The following CHSY3 variants were observed in gnomAD, a reference collection of about 807,000 sequenced individuals.
CHSY3 encodes chondroitin sulfate synthase 3.
A neutral mutation model predicts 67.2 loss-of-function variants in CHSY3; 35 were observed. That is an observed-to-expected ratio of 0.52 (90% CI 0.40 to 0.69). CHSY3 has a LOEUF of 0.69. CHSY3 is among the 30% of genes least tolerant of loss of function. The pLI is 0.00. For synonymous variants in CHSY3, 474 were observed against 434.7 expected (o/e 1.09, Z -1.12); for missense variants, 1,069 against 1,138.5 (o/e 0.94, Z 0.88).
At chr5:130,080,332 A>T (rs1766407795) in intron 2 of CHSY3, among the ~76,000 whole-genome samples, 1 of 152,058 alleles carries the variant, frequency 6.6e-6, no homozygotes, top group Non-Finnish European at 1.5e-5. Flanking sequence ...ACTGATACCT[A>T]GCACAGTAGG....
chr5:130,011,083 C>T (rs1764044979), intron 2 of CHSY3, among the ~76,000 whole-genome samples: 1 of 152,256 alleles, frequency 6.6e-6, no homozygotes, highest in Non-Finnish European at 1.5e-5. Context: ...TGAAACTATT[C>T]CATTGACTTG....
At chr5:130,143,787 T>A (rs1239061582) in intron 2 of CHSY3, among the ~76,000 whole-genome samples, 1 of 28,434 alleles carries the variant, frequency 3.5e-5, no homozygotes, top group East Asian at 1.1e-3. Flanking sequence ...TATATGTGTA[T>A]ATATATATAT....
In CHSY3 at chr5:129,964,095, T is replaced by C. The variant is rs150481401; in HGVS notation, c.1086+55735T>C. ...CCATCTGATGGGCATCAAGGAAGTC[T>C]GTGCTGGATGAGAGTGGAATAATGG... On this transcript the variant is annotated intron_variant, in intron 2 of 2. Coordinates refer to ENST00000305031, the MANE Select transcript of CHSY3 (RefSeq NM_175856.5). Among the ~76,000 whole-genome samples, 543 of 152,030 alleles carry C rather than the reference T, an allele frequency of 3.6e-3. 3 individuals carry two copies. Among genetic ancestry groups the C allele is most frequent in the East Asian group, 0.021 (109 of 5,128 alleles).
intron 2 of CHSY3, among the ~76,000 whole-genome samples, chr5:130,053,879 T>G (rs1765444556): frequency 6.6e-6 from 1 of 152,136 alleles, no homozygotes; most frequent in South Asian, 2.1e-4. Flanking sequence ...GAAATATAAA[T>G]GCCTCATAAA....
At chr5:129,914,744 A>G (rs1297145243) in intron 2 of CHSY3, among the ~76,000 whole-genome samples, 1 of 152,240 alleles carries the variant, frequency 6.6e-6, no homozygotes, top group African/African-American at 2.4e-5. Context: ...ATGATATGGT[A>G]AGCGTTGTAG....
At chr5:130,133,771 T>TAAAAAAAAAAAAA (rs758023976) in intron 2 of CHSY3, among the ~76,000 whole-genome samples, 12 of 58,112 alleles carry the variant, frequency 2.1e-4, no homozygotes, top group Non-Finnish European at 2.8e-4. Flanking sequence ...GACTCCGTCT[T>TAAAAAAAAAAAAA]AAAAAAAAAA....
intron 2 of CHSY3, among the ~76,000 whole-genome samples, chr5:130,169,745 AT>A (rs1561568166): frequency 6.6e-6 from 1 of 151,916 alleles, no homozygotes; most frequent in Non-Finnish European, 1.5e-5. Context: ...GCTTTAGCAC[AT>A]TAGTTAAATA....
At chr5:130,057,699 G>A (rs10075223) in intron 2 of CHSY3, among the ~76,000 whole-genome samples, 9,807 of 152,056 alleles carry the variant, frequency 0.064, 1,079 homozygotes, top group African/African-American at 0.22. Context: ...ATAATTTTTG[G>A]CTTGCTTTCT....
At chr5:130,061,912 G>T (rs1042263103) in intron 2 of CHSY3, among the ~76,000 whole-genome samples, 2 of 151,956 alleles carry the variant, frequency 1.3e-5, no homozygotes, top group African/African-American at 2.4e-5. Context: ...ACAGATATTG[G>T]CATGGATGCA....
At chr5:130,005,169 C>T (rs1457050622) in intron 2 of CHSY3, among the ~76,000 whole-genome samples, 1 of 152,068 alleles carries the variant, frequency 6.6e-6, no homozygotes, top group Non-Finnish European at 1.5e-5. Context: ...AAAATTCCAG[C>T]ACTTTGGGAG....
intron 2 of CHSY3, among the ~76,000 whole-genome samples, chr5:130,169,649 A>G (rs542315251): frequency 6.6e-6 from 1 of 151,402 alleles, no homozygotes; most frequent in Non-Finnish European, 1.5e-5. Flanking sequence ...TAAGCTTTTC[A>G]CAAGGCTAAA....
intron 2 of CHSY3, among the ~76,000 whole-genome samples, chr5:129,910,135 T>C (rs201570032): frequency 1.4e-4 from 21 of 152,068 alleles, no homozygotes; most frequent in East Asian, 9.7e-4. Flanking sequence ...AGAGAAGTTA[T>C]ATTATAGATG....
chr5:130,039,004 G>A (rs115634780), intron 2 of CHSY3, among the ~76,000 whole-genome samples: 3,290 of 152,054 alleles, frequency 0.022, 114 homozygotes, highest in African/African-American at 0.073. Flanking sequence ...TTTCTATATC[G>A]TAACAGTTCC....
intron 2 of CHSY3, among the ~76,000 whole-genome samples, chr5:129,945,533 A>C (rs1761827373): frequency 2.6e-5 from 4 of 152,082 alleles, no homozygotes; most frequent in Non-Finnish European, 4.4e-5. Context: ...CAAGTCCCTG[A>C]GGGTATGTGT....
intron 2 of CHSY3, among the ~76,000 whole-genome samples, chr5:129,949,462 C>G (rs1761960073): frequency 6.6e-6 from 1 of 151,982 alleles, no homozygotes; most frequent in Non-Finnish European, 1.5e-5. Flanking sequence ...ATAAAAAAGT[C>G]TCCTAACCAA....
At chr5:129,944,119 C>T (rs964638728) in intron 2 of CHSY3, among the ~76,000 whole-genome samples, 27 of 152,208 alleles carry the variant, frequency 1.8e-4, no homozygotes, top group African/African-American at 6.0e-4. Context: ...CCTCCTGTGG[C>T]GCTTGGCCAA....
At chr5:129,969,102 T>C (rs571647132) in intron 2 of CHSY3, among the ~76,000 whole-genome samples, 1 of 151,994 alleles carries the variant, frequency 6.6e-6, no homozygotes, top group East Asian at 1.9e-4. Flanking sequence ...TTACTGTATC[T>C]TTCAAAAGAA....
intron 2 of CHSY3, among the ~76,000 whole-genome samples, chr5:130,132,880 T>C (rs1768527705): frequency 6.6e-6 from 1 of 152,138 alleles, no homozygotes; most frequent in Non-Finnish European, 1.5e-5. Flanking sequence ...ATAGTACCAA[T>C]GTTGAGAAAC....
chr5:130,176,543 C>T (rs1333887397), intron 2 of CHSY3, among the ~76,000 whole-genome samples: 1 of 152,094 alleles, frequency 6.6e-6, no homozygotes, highest in East Asian at 1.9e-4. Context: ...CACATGCACA[C>T]GTATGTTTAT....
Sources: gnomAD v4.1 joint callset for allele counts (sites outside exome capture counted in the v4.1 genomes callset) on GRCh38, gnomAD v4.1.1 for gene constraint, MANE v1.5 for transcripts, NCBI Gene and HGNC (gene_info 2026-07-23, HGNC 2026-07-21) for gene names.